The following SHANK2 variants were observed in gnomAD, a reference collection of about 807,000 sequenced individuals.
SHANK2 encodes the protein SH3 and multiple ankyrin repeat domains protein 2.
A neutral mutation model predicts 133.7 loss-of-function variants in SHANK2; 43 were observed. That is an observed-to-expected ratio of 0.32 (90% CI 0.25 to 0.41). The LOEUF (loss-of-function observed/expected upper bound fraction) is 0.41, where lower values mean the gene tolerates loss of function less well. SHANK2 is among the 10% of genes least tolerant of loss of function. SHANK2 has a pLI of 1.00. For missense variants in SHANK2, 1,994 were observed against 2,235.8 expected, an observed-to-expected ratio of 0.89 and a Z score of 2.18; for synonymous variants, 1,017 against 952.8, an observed-to-expected ratio of 1.07 and a Z score of -1.24.
chr11:70,649,905 C>T (rs2134205976), intron 17 of SHANK2, among the ~76,000 whole-genome samples: 1 of 152,340 alleles, frequency 6.6e-6, no homozygotes, highest in Middle Eastern at 3.4e-3. Context: ...TAGATTCAGA[C>T]CTCCCTGGAG....
At chr11:70,657,445 C>T (rs1372222518) in intron 17 of SHANK2, among the ~76,000 whole-genome samples, 1 of 152,194 alleles carries the variant, frequency 6.6e-6, no homozygotes, top group South Asian at 2.1e-4. Flanking sequence ...AAAATCCAGT[C>T]GCTAGGAACA....
chr11:70,644,259 C>T (rs935686644), intron 17 of SHANK2, among the ~76,000 whole-genome samples: 4 of 152,178 alleles, frequency 2.6e-5, no homozygotes, highest in Admixed American at 2.6e-4. Context: ...CCATCACCAG[C>T]GTGCATCTCC....
intron 14 of SHANK2, among the ~76,000 whole-genome samples, chr11:70,709,893 G>A (rs1166502873): frequency 4.6e-5 from 7 of 152,110 alleles, no homozygotes; most frequent in African/African-American, 9.7e-5. Context: ...GGCTCCGGGG[G>A]TCCAGGGTAG....
At chr11:71,235,510 C>T (rs1954815879) in intron 1 of SHANK2, among the ~76,000 whole-genome samples, 1 of 151,636 alleles carries the variant, frequency 6.6e-6, no homozygotes, top group African/African-American at 2.4e-5. Flanking sequence ...AGGAAAATCA[C>T]TTGAACCCAG....
At chr11:70,930,791 C>G (rs536387593) in intron 10 of SHANK2, among the ~76,000 whole-genome samples, 1 of 151,180 alleles carries the variant, frequency 6.6e-6, no homozygotes, top group African/African-American at 2.4e-5. Context: ...CTGCCTCACC[C>G]TCCCATGCAG....
At chr11:70,700,872 G>A (rs1382563756) in intron 14 of SHANK2, among the ~76,000 whole-genome samples, 1 of 152,222 alleles carries the variant, frequency 6.6e-6, no homozygotes, top group Non-Finnish European at 1.5e-5. Flanking sequence ...GGCAATCCCT[G>A]TGACATTTAT....
At chr11:70,644,113 A>T (rs1275458827) in intron 17 of SHANK2, among the ~76,000 whole-genome samples, 1 of 152,242 alleles carries the variant, frequency 6.6e-6, no homozygotes, top group Non-Finnish European at 1.5e-5. Context: ...TTCAAAAGTT[A>T]AACAACAAAA....
At position 70,483,138 on chromosome 11, in the gene SHANK2, A is replaced by G. The variant is rs374978918; in HGVS notation, c.4979+2176T>C. 2.5e-4 allele frequency among the ~76,000 whole-genome samples: 38 copies of G among 152,262 alleles called. No individual in the cohort carries two copies. The East Asian group carries it at 6.6e-3, about 26-fold the overall frequency. Reference sequence around the variant, plus strand: ...CTTCCTTACTGCAGACATTGCTTACAAGGGGAAGTGAGAGTCAGGAAACCC... The same window carrying G: ...CTTCCTTACTGCAGACATTGCTTACGAGGGGAAGTGAGAGTCAGGAAACCC... On this transcript the variant is annotated intron_variant, in intron 25 of 25. Coordinates refer to ENST00000601538, the MANE Select transcript of SHANK2 (RefSeq NM_012309.5).
chr11:70,631,375 T>TACACACACACACAC (rs56370058), intron 17 of SHANK2: 15 of 143,476 alleles, frequency 1.0e-4, no homozygotes, highest in South Asian at 4.8e-4. Context: ...TTCCCGGAGT[T>TACACACACACACAC]ACACACACAC....
At chr11:71,057,577 T>C (rs1441302679) in intron 9 of SHANK2, among the ~76,000 whole-genome samples, 1 of 152,144 alleles carries the variant, frequency 6.6e-6, no homozygotes, top group Non-Finnish European at 1.5e-5. Flanking sequence ...TGAGACACAG[T>C]CTTGCTCTGT....
chr11:71,230,415 A>G (rs1289810965), intron 1 of SHANK2, among the ~76,000 whole-genome samples: 1 of 152,008 alleles, frequency 6.6e-6, no homozygotes, highest in Non-Finnish European at 1.5e-5. Context: ...TAAAAATACA[A>G]AAAATTATCT....
intron 17 of SHANK2, among the ~76,000 whole-genome samples, chr11:70,641,574 G>A (rs557776088): frequency 1.3e-5 from 2 of 152,256 alleles, no homozygotes; most frequent in African/African-American, 2.4e-5. Context: ...GAACAGAAGC[G>A]GAAGTGATAT....
intron 17 of SHANK2, among the ~76,000 whole-genome samples, chr11:70,642,351 TG>T (rs148824166): frequency 3.1e-5 from 1 of 32,132 alleles, no homozygotes; most frequent in African/African-American, 1.1e-4. Context: ...CTGTGGGGGG[TG>T]GGGGGGAAAT....
At chr11:71,222,382 T>A (rs1327818407) in intron 2 of SHANK2, among the ~76,000 whole-genome samples, 1 of 152,114 alleles carries the variant, frequency 6.6e-6, no homozygotes, top group Non-Finnish European at 1.5e-5. Flanking sequence ...AAGCAAGCGC[T>A]CCCCATCACT....
At chr11:70,948,469 T>C in intron 10 of SHANK2, 1 of 437,542 alleles carries the variant, frequency 2.3e-6, no homozygotes, top group Non-Finnish European at 4.7e-6. Flanking sequence ...AGCCACACTT[T>C]GGGTTACCCA....
chr11:71,213,394 C>T (rs1167105648), intron 2 of SHANK2, among the ~76,000 whole-genome samples: 1 of 152,200 alleles, frequency 6.6e-6, no homozygotes. Context: ...CTAAATAGTG[C>T]CAAGTTGGAC....
chr11:70,894,771 C>A (rs1949908202), intron 11 of SHANK2, among the ~76,000 whole-genome samples: 1 of 152,168 alleles, frequency 6.6e-6, no homozygotes, highest in Non-Finnish European at 1.5e-5. Context: ...GGGGTGCCAG[C>A]AACAACCCCT....
At chr11:70,819,259 C>T (rs1275505160) in intron 12 of SHANK2, among the ~76,000 whole-genome samples, 1 of 152,268 alleles carries the variant, frequency 6.6e-6, no homozygotes, top group Non-Finnish European at 1.5e-5. Context: ...CCTGCCCTTG[C>T]TACGTTCTGG....
At chr11:71,151,573 G>C (rs540411726) in intron 2 of SHANK2, among the ~76,000 whole-genome samples, 13 of 152,328 alleles carry the variant, frequency 8.5e-5, no homozygotes, top group Admixed American at 8.5e-4. Flanking sequence ...TGAAGGGAAA[G>C]AGCCCTTCTT....
Sources: gnomAD v4.1 joint callset for allele counts (sites outside exome capture counted in the v4.1 genomes callset) on GRCh38, gnomAD v4.1.1 for gene constraint, MANE v1.5 for transcripts, NCBI Gene and HGNC (gene_info 2026-07-23, HGNC 2026-07-21) for gene names.